CD99: variants seen among roughly 807,000 people sequenced by gnomAD.
CD99 encodes the protein CD99 molecule (Xg blood group).
CD99 carries 19 observed loss-of-function variants against 28.4 expected under a neutral mutation model. The observed-to-expected ratio is 0.67, with a 90% CI of 0.47 to 0.98. The LOEUF is 0.98. Among genes scored for constraint, CD99 ranks in the 50% least tolerant of loss-of-function variants. The probability of loss-of-function intolerance (pLI) is 0.00; values close to 1 mark genes in which losing one functional copy is unlikely to be tolerated. For missense variants in CD99, 283 were observed against 248.8 expected (o/e 1.14, Z -0.92); for synonymous variants, 103 against 92.1 (o/e 1.12, Z -0.67).
intron 1 of CD99, among the ~76,000 whole-genome samples, chrX:2,695,268 C>T (rs1378525764): frequency 2.0e-5 from 3 of 151,602 alleles, no homozygotes; most frequent in Admixed American, 6.6e-5. Context: ...TGAAGTGGCA[C>T]GATCTCAGCT....
chrX:2,725,911 C>A (rs2049257196), intron 7 of CD99, among the ~76,000 whole-genome samples: 2 of 152,194 alleles, frequency 1.3e-5, no homozygotes, highest in African/African-American at 4.8e-5. Flanking sequence ...CCACGCCCAG[C>A]CCCAGCTCTC....
chrX:2,725,098 TA>T (rs748563247), intron 7 of CD99, among the ~76,000 whole-genome samples: 7,088 of 102,754 alleles, frequency 0.069, 494 homozygotes, highest in African/African-American at 0.2. Flanking sequence ...TGGAATAACA[TA>T]AAAAAAAAAA....
At position 2,699,572 on chromosome X, in the gene CD99, G is replaced by A. The variant is rs148371646; in HGVS notation, c.67+8145G>A. 7.5e-3 allele frequency among the ~76,000 whole-genome samples: 1,138 copies of A among 150,898 alleles called. 10 individuals carry two copies. The highest frequency in any genetic ancestry group is 0.038 in the Middle Eastern group (11 of 292). ...TGCAACCTCTGCCACCCAGGTTCAA[G>A]TGATTCTTCTGCCTCAGCCTCCCTC... On this transcript the variant is annotated intron_variant, in intron 1 of 9. Coordinates refer to ENST00000381192, the MANE Select transcript of CD99 (RefSeq NM_002414.5).
chrX:2,722,876 C>T lies in CD99; in HGVS notation c.310+202C>T, dbSNP rs191436740. Among the ~76,000 whole-genome samples, 131 of 152,258 alleles carry T rather than the reference C, an allele frequency of 8.6e-4. 4 individuals carry two copies. In the East Asian group the frequency reaches 0.013, roughly 15 times the overall value. On this transcript the variant is annotated intron_variant, in intron 6 of 9. Coordinates refer to ENST00000381192, the MANE Select transcript of CD99 (RefSeq NM_002414.5). ...GGCTGCCCCGTAGAGGTTCGGTCCT[C>T]GGAGAAGAGTTCAGGGCCCAGGCAG...
intron 3 of CD99, chrX:2,717,936 CCTTTT>C: frequency 6.4e-6 from 2 of 313,634 alleles, no homozygotes; most frequent in Non-Finnish European, 1.1e-5. Context: ...GATTTTCTTC[CCTTTT>C]TTTTTTTTTT....
chrX:2,735,854 CTG>C (rs1310048383), intron 8 of CD99, among the ~76,000 whole-genome samples: 3 of 152,106 alleles, frequency 2.0e-5, no homozygotes, highest in Non-Finnish European at 4.4e-5. Flanking sequence ...ACAGTTGAAA[CTG>C]TGGAGTTCAC....
At chrX:2,730,176 T>A (rs1286116624) in intron 8 of CD99, among the ~76,000 whole-genome samples, 1 of 3,766 alleles carries the variant, frequency 2.7e-4, no homozygotes, top group African/African-American at 0.012. Flanking sequence ...TAAAAATACC[T>A]TTTTTTTTTT....
rs1035384803 is a variant in CD99 at position 2,734,198 on chromosome X, CTTATTT to C, written c.476-3999_476-3994del. Among the ~76,000 whole-genome samples, 102 of 151,828 alleles carry C rather than the reference CTTATTT, an allele frequency of 6.7e-4. No homozygotes were observed. The East Asian group carries it at 0.014, about 20-fold the overall frequency. ...AACTTGTTTTCTTTCTTTTACTTTT[CTTATTT>C]TTTTCTTTCTTTTCATTTTTTTCTT... On this transcript the variant is annotated intron_variant, in intron 8 of 9. Transcript: ENST00000381192.
At chrX:2,698,017 G>C (rs1207402198) in intron 1 of CD99, among the ~76,000 whole-genome samples, 1 of 151,854 alleles carries the variant, frequency 6.6e-6, no homozygotes, top group African/African-American at 2.4e-5. Context: ...TTACTCAAGA[G>C]GCTGTGGTCC....
intron 1 of CD99, among the ~76,000 whole-genome samples, chrX:2,712,714 G>A (rs905911142): frequency 1.1e-4 from 16 of 152,136 alleles, no homozygotes; most frequent in South Asian, 4.2e-4. Flanking sequence ...GAGCTGTTCC[G>A]AGCGTTTTGT....
chrX:2,702,840 G>A (rs1378295943), intron 1 of CD99, among the ~76,000 whole-genome samples: 1 of 151,846 alleles, frequency 6.6e-6, no homozygotes, highest in Non-Finnish European at 1.5e-5. Context: ...GGAGTGCAGT[G>A]GCGTGATCTT....
chrX:2,733,333 A>G (rs780651510), intron 8 of CD99: 2 of 1,567,510 alleles, frequency 1.3e-6, no homozygotes, highest in Non-Finnish European at 1.7e-6. Flanking sequence ...ATTATTTTTT[A>G]TCGTTTTCAA....
intron 9 of CD99, among the ~76,000 whole-genome samples, chrX:2,738,930 C>G (rs2050075402): frequency 6.6e-6 from 1 of 151,984 alleles, no homozygotes; most frequent in Admixed American, 6.5e-5. Context: ...TTACTGCAGC[C>G]TCGATCTCCT....
chrX:2,713,817 A>G (rs1182642593), intron 1 of CD99, among the ~76,000 whole-genome samples: 1 of 152,186 alleles, frequency 6.6e-6, no homozygotes, highest in African/African-American at 2.4e-5. Flanking sequence ...CGACTTTTCC[A>G]AATTTTCCTG....
chrX:2,732,954 C>CCT lies in CD99; in HGVS notation c.476-5244_476-5243dup, dbSNP rs1411898223. On this transcript the variant is annotated intron_variant, in intron 8 of 9. Transcript: ENST00000381192. ...CCTTCCCTCTCTCCTTCCCTTCCTC[C>CCT]CTCCCTCCCTCATTTCCTTCCTCCC... Among the ~76,000 whole-genome samples, 4 of 147,092 alleles carry CCT rather than the reference C, an allele frequency of 2.7e-5. No homozygotes were observed. The Admixed American group carries it at 2.7e-4, about 10-fold the overall frequency.
intron 1 of CD99, among the ~76,000 whole-genome samples, chrX:2,708,412 CTCTGTA>C (rs1258487487): frequency 6.6e-6 from 1 of 151,996 alleles, no homozygotes; most frequent in East Asian, 1.9e-4. Flanking sequence ...GAGGGTGGGA[CTCTGTA>C]TCTGGGAGAA....
At position 2,737,401 on chromosome X, in the gene CD99, C is replaced by T. The variant is rs186900854; in HGVS notation, c.476-799C>T. Among the ~76,000 whole-genome samples the T allele has an allele frequency of 2.8e-4, 23 of 81,850 alleles. No homozygotes were observed. In the East Asian group the frequency reaches 8.0e-3, roughly 29 times the overall value. The allele number at this position is 81,850 out of a possible 152,430, so 53.7% of individuals were successfully genotyped here. ...CCATGTTGGCCAGGATGGGCTCGAT[C>T]TCTTGACCTCGTGATCCGCCCGCCT... On this transcript the variant is annotated intron_variant, in intron 8 of 9. Transcript: ENST00000381192.
intron 8 of CD99, among the ~76,000 whole-genome samples, chrX:2,734,775 TCTTTTTTTTTCTTATTTTC>T (rs2049851351): frequency 6.6e-6 from 1 of 151,778 alleles, no homozygotes; most frequent in East Asian, 1.9e-4. Flanking sequence ...TTTTCTGATT[TCTTTTTTTTTCTTATTTTC>T]CTTTTTTTTT....
intron 8 of CD99, among the ~76,000 whole-genome samples, chrX:2,730,524 G>T (rs1046695855): frequency 7.9e-5 from 12 of 152,178 alleles, no homozygotes; most frequent in African/African-American, 2.6e-4. Context: ...TGGCTCAGGG[G>T]AGTCCAAGAT....
Sources: gnomAD v4.1 joint callset for allele counts (sites outside exome capture counted in the v4.1 genomes callset) on GRCh38, gnomAD v4.1.1 for gene constraint, MANE v1.5 for transcripts, NCBI Gene and HGNC (gene_info 2026-07-23, HGNC 2026-07-21) for gene names.